Variants in SLC8A1 observed in about 807,000 individuals in gnomAD.
The protein encoded by SLC8A1 is sodium/calcium exchanger 1.
A neutral mutation model predicts 68.3 loss-of-function variants in SLC8A1; 18 were observed. The observed-to-expected ratio is 0.26, with a 90% CI of 0.18 to 0.39. SLC8A1 has a LOEUF of 0.39. SLC8A1 is among the 10% of genes least tolerant of loss of function. SLC8A1 has a pLI of 1.00. For synonymous variants in SLC8A1, 475 were observed against 415.5 expected, an observed-to-expected ratio of 1.14 and a Z score of -1.74; for missense variants, 985 against 1,156.7, an observed-to-expected ratio of 0.85 and a Z score of 2.15.
chr2:40,270,718 C>G (rs1245704091), intron 2 of SLC8A1, among the ~76,000 whole-genome samples: 1 of 152,212 alleles, frequency 6.6e-6, no homozygotes, highest in Non-Finnish European at 1.5e-5. Flanking sequence ...AGTCAGGTGA[C>G]AGATACACAG....
chr2:40,443,216 A>G (rs949668795), intron 1 of SLC8A1, among the ~76,000 whole-genome samples: 2 of 152,198 alleles, frequency 1.3e-5, no homozygotes, highest in African/African-American at 4.8e-5. Flanking sequence ...GCACATCTAT[A>G]CCTATGTAAC....
intron 2 of SLC8A1, among the ~76,000 whole-genome samples, chr2:40,311,687 A>G (rs1344517380): frequency 6.6e-6 from 1 of 152,118 alleles, no homozygotes; most frequent in Admixed American, 6.6e-5. Context: ...TTTAGTTTCT[A>G]TAATTTTTTG....
At chr2:40,482,657 C>A (rs1299407315) in intron 1 of SLC8A1, among the ~76,000 whole-genome samples, 1 of 152,144 alleles carries the variant, frequency 6.6e-6, no homozygotes, top group Non-Finnish European at 1.5e-5. Context: ...GGATTTGAAT[C>A]CAGACAGCCT....
intron 2 of SLC8A1, among the ~76,000 whole-genome samples, chr2:40,417,215 T>C (rs1246705063): frequency 6.6e-6 from 1 of 152,136 alleles, no homozygotes; most frequent in East Asian, 1.9e-4. Flanking sequence ...GTTTGTTATA[T>C]AGGTAAACTG....
In SLC8A1 at chr2:40,115,874, A is replaced by T. The variant is rs1437327503; in HGVS notation, c.2438-245T>A. Among the ~76,000 whole-genome samples, 4 of 152,194 alleles carry T rather than the reference A, an allele frequency of 2.6e-5. No homozygotes were observed. The East Asian group carries it at 7.7e-4, about 29-fold the overall frequency. ...GCAAGTGATCTTGGTCAAGTTTTGT[A>T]TCCACAGATACTGCAGTTCTTTGTA... On this transcript the variant is annotated intron_variant, in intron 7 of 7. Coordinates refer to ENST00000406785, the Ensembl canonical transcript of SLC8A1.
chr2:40,216,620 C>A lies in SLC8A1; in HGVS notation c.1809-38765G>T, dbSNP rs577961604. Among the ~76,000 whole-genome samples the A allele has an allele frequency of 7.2e-5, 11 of 152,282 alleles. No homozygotes were observed. In the South Asian group the frequency reaches 1.2e-3, roughly 17 times the overall value. Reference sequence around the variant, plus strand: ...CTGAACTAATTTAAATTCCCATCAACAGTGTAAATGCATTCCTATTTCTCC... The same window carrying A: ...CTGAACTAATTTAAATTCCCATCAAAAGTGTAAATGCATTCCTATTTCTCC... On this transcript the variant is annotated intron_variant, in intron 2 of 7. Transcript: ENST00000406785.
chr2:40,152,507 T>G (rs1428238850), intron 6 of SLC8A1, among the ~76,000 whole-genome samples: 1 of 151,894 alleles, frequency 6.6e-6, no homozygotes, highest in Non-Finnish European at 1.5e-5. Context: ...CAGGTTCAAG[T>G]GATTCTTGTG....
chr2:40,232,156 C>T (rs935426643), intron 2 of SLC8A1, among the ~76,000 whole-genome samples: 13 of 151,942 alleles, frequency 8.6e-5, no homozygotes, highest in Admixed American at 8.5e-4. Context: ...ATCTAGTAAA[C>T]GGGCTTTGGA....
chr2:40,499,296 T>C (rs998923647), intron 1 of SLC8A1, among the ~76,000 whole-genome samples: 1 of 152,124 alleles, frequency 6.6e-6, no homozygotes, highest in African/African-American at 2.4e-5. Context: ...TGTGTAACCT[T>C]GGACAGATTT....
chr2:40,442,183 AAAACTT>A lies in SLC8A1; in HGVS notation c.-25+9715_-25+9720del, dbSNP rs537943613. 5.0e-3 allele frequency among the ~76,000 whole-genome samples: 761 copies of A among 151,690 alleles called. 5 individuals carry two copies. Among genetic ancestry groups the A allele is most frequent in the Middle Eastern group, 0.034 (10 of 294 alleles). ...CCTGCACATTGTGCACATGTACCCT[AAAACTT>A]AAAGTATAATAATAATAAAATAAAA... On this transcript the variant is annotated intron_variant, in intron 1 of 7. Transcript: ENST00000406785.
At chr2:40,449,378 G>A (rs907140892) in intron 1 of SLC8A1, among the ~76,000 whole-genome samples, 2 of 152,106 alleles carry the variant, frequency 1.3e-5, no homozygotes, top group Non-Finnish European at 2.9e-5. Context: ...TATTTTGCAA[G>A]TAAATAAAAG....
intron 2 of SLC8A1, among the ~76,000 whole-genome samples, chr2:40,378,725 G>C (rs1271649016): frequency 6.6e-6 from 1 of 152,090 alleles, no homozygotes; most frequent in Admixed American, 6.6e-5. Context: ...TCAGAAGCCA[G>C]AAAGAATTCA....
At chr2:40,143,225 A>G (rs905913663) in intron 6 of SLC8A1, among the ~76,000 whole-genome samples, 1 of 152,194 alleles carries the variant, frequency 6.6e-6, no homozygotes, top group Admixed American at 6.5e-5. Flanking sequence ...TGTCTTGGGA[A>G]AGGACAAAGA....
At chr2:40,305,989 A>G (rs566087920) in intron 2 of SLC8A1, among the ~76,000 whole-genome samples, 1 of 152,308 alleles carries the variant, frequency 6.6e-6, no homozygotes, top group African/African-American at 2.4e-5. Flanking sequence ...GGCACATCTT[A>G]AATGCATGCT....
chr2:40,207,842 C>G (rs1009460788), intron 2 of SLC8A1, among the ~76,000 whole-genome samples: 9 of 151,992 alleles, frequency 5.9e-5, no homozygotes, highest in African/African-American at 2.2e-4. Flanking sequence ...CTTTGGGGCT[C>G]CCACCAGTTT....
rs2066833274 is a variant in SLC8A1 at position 40,277,267 on chromosome 2, A to G, written c.1809-99412T>C. Among the ~76,000 whole-genome samples the G allele has an allele frequency of 2.6e-5, 4 of 151,876 alleles. No individual in the cohort carries two copies. In the South Asian group the frequency reaches 8.3e-4, roughly 31 times the overall value. ...TTTTAAAACAGAGATAGTGCTGGGC[A>G]CGGTAGCTCACGCCTATAATCCCAG... On this transcript the variant is annotated intron_variant, in intron 2 of 7. Coordinates refer to ENST00000406785, the Ensembl canonical transcript of SLC8A1.
intron 2 of SLC8A1, among the ~76,000 whole-genome samples, chr2:40,227,164 T>C (rs1237510399): frequency 6.6e-6 from 1 of 152,156 alleles, no homozygotes; most frequent in Non-Finnish European, 1.5e-5. Flanking sequence ...ATATTTAAAA[T>C]TCAACATTTA....
At chr2:40,272,604 T>C (rs1344774893) in intron 2 of SLC8A1, among the ~76,000 whole-genome samples, 1 of 152,214 alleles carries the variant, frequency 6.6e-6, no homozygotes, top group Non-Finnish European at 1.5e-5. Flanking sequence ...CCTTATCTGT[T>C]GAGAAGCTCG....
At chr2:40,175,325 GATGAATA>G in intron 3 of SLC8A1, 44 bp from the exon 4 acceptor site, 2 of 1,586,198 alleles carry the variant, frequency 1.3e-6, no homozygotes, top group Non-Finnish European at 8.6e-7. Context: ...TAAGAGACCA[GATGAATA>G]ATGAAAGTAA....
Sources: allele counts gnomAD v4.1 joint callset (sites outside exome capture counted in the v4.1 genomes callset), GRCh38; gene constraint gnomAD v4.1.1; transcripts MANE v1.5; gene names NCBI Gene and HGNC (gene_info 2026-07-23, HGNC 2026-07-21).